The following CCND3 variants were observed in gnomAD, a reference collection of about 807,000 sequenced individuals.
CCND3 encodes G1/S-specific cyclin-D3.
A neutral mutation model predicts 28.7 loss-of-function variants in CCND3; 9 were observed. The observed-to-expected ratio is 0.31, with a 90% CI of 0.19 to 0.55. The LOEUF is 0.55. CCND3 is among the 20% of genes least tolerant of loss of function. CCND3 has a pLI of 0.93. For synonymous variants in CCND3, 164 were observed against 163.9 expected, an observed-to-expected ratio of 1.00 and a Z score of 0.00; for missense variants, 315 against 385.8, an observed-to-expected ratio of 0.82 and a Z score of 1.54.
At chr6:41,997,631 C>A (rs573332236) in intron 1 of CCND3, among the ~76,000 whole-genome samples, 1 of 151,922 alleles carries the variant, frequency 6.6e-6, no homozygotes, top group African/African-American at 2.4e-5. Flanking sequence ...GTGGCATATG[C>A]CTGTGGTCTC....
chr6:41,935,649 A>G lies in CCND3; in HGVS notation c.*291T>C, dbSNP rs1257416372. On this transcript the variant is annotated 3_prime_UTR_variant, in exon 5 of 5. Transcript: ENST00000372991. ...GGGCGTTCAAAAGGAATGCTGGTGT[A>G]TGTATCCAATTCTGTCCCATCAGCC... is the stretch of plus-strand genomic sequence containing the variant. The G allele has an allele frequency of 4.1e-6, 2 of 489,116 alleles. No individual in the cohort carries two copies. The highest frequency in any genetic ancestry group is 6.0e-5 in the East Asian group (2 of 33,368). The allele number at this position is 489,116 out of a possible 1,614,324, so 30.3% of individuals were successfully genotyped here. A position where few individuals can be genotyped will look rare whatever the true frequency, so the allele number is the denominator to read the frequency against.
intron 1 of CCND3, among the ~76,000 whole-genome samples, chr6:41,991,546 G>C (rs144372561): frequency 1.3e-5 from 2 of 152,284 alleles, no homozygotes; most frequent in Non-Finnish European, 2.9e-5. Context: ...ACAGTGATCA[G>C]AGTAATTAGC....
At chr6:42,035,526 C>T (rs937492635) in intron 1 of CCND3, among the ~76,000 whole-genome samples, 3 of 151,576 alleles carry the variant, frequency 2.0e-5, no homozygotes, top group African/African-American at 2.4e-5. Flanking sequence ...CACTACCACG[C>T]CTGGCTAATT....
intron 1 of CCND3, among the ~76,000 whole-genome samples, chr6:42,001,580 C>G (rs1034535462): frequency 3.3e-5 from 5 of 152,014 alleles, no homozygotes; most frequent in Admixed American, 3.3e-4. Flanking sequence ...GAGACTGAAC[C>G]AAAATGGGCC....
At chr6:41,981,291 C>T (rs1002244770) in intron 1 of CCND3, among the ~76,000 whole-genome samples, 20 of 150,082 alleles carry the variant, frequency 1.3e-4, no homozygotes, top group Non-Finnish European at 1.6e-4. Context: ...CTGCAACCTC[C>T]GCCTCCCCAG....
Position 41,935,289 on chromosome 6 carries a change from C to T in CCND3, c.*651G>A. On this transcript the variant is annotated 3_prime_UTR_variant, in exon 5 of 5. Coordinates refer to ENST00000372991, the MANE Select transcript of CCND3 (RefSeq NM_001760.5). The stretch of plus-strand genomic sequence containing the variant: ...CATTATGTCCTCTTAAAGTTGTGCT[C>T]AAAGCAATTAATAAATTAAAATGAG... 4.3e-6 allele frequency: 1 copy of T among 233,878 alleles called. No homozygotes were observed. The allele number at this position is 233,878 out of a possible 1,614,324, so 14.5% of individuals were successfully genotyped here. A position where few individuals can be genotyped will look rare whatever the true frequency, so the allele number is the denominator to read the frequency against.
At chr6:41,964,200 G>A (rs1477530229) in intron 1 of CCND3, among the ~76,000 whole-genome samples, 5 of 152,214 alleles carry the variant, frequency 3.3e-5, no homozygotes, top group African/African-American at 9.6e-5. Context: ...ATGCCCAAGA[G>A]GTATTGGGGG....
intron 1 of CCND3, chr6:41,940,822 G>T: frequency 9.9e-7 from 1 of 1,011,510 alleles, no homozygotes; most frequent in Non-Finnish European, 1.6e-6. Flanking sequence ...AAGCCAAGGA[G>T]CCCTTGCTCA....
At chr6:41,977,471 A>G (rs903459579) in intron 1 of CCND3, among the ~76,000 whole-genome samples, 13 of 152,056 alleles carry the variant, frequency 8.5e-5, no homozygotes, top group Admixed American at 7.2e-4. Context: ...GGTTCAGGCG[A>G]TTCTCCTGCC....
chr6:41,971,120 G>A (rs142138754), intron 1 of CCND3, among the ~76,000 whole-genome samples: 10 of 152,214 alleles, frequency 6.6e-5, no homozygotes, highest in African/African-American at 1.9e-4. Context: ...GTTTCACCAT[G>A]TTGGCCAGGC....
chr6:41,993,702 A>G (rs1351526290), intron 1 of CCND3, among the ~76,000 whole-genome samples: 1 of 151,848 alleles, frequency 6.6e-6, no homozygotes, highest in Non-Finnish European at 1.5e-5. Context: ...GTGGTTCACT[A>G]TCACGAGGTC....
chr6:42,023,607 G>A (rs1582174517), intron 1 of CCND3, among the ~76,000 whole-genome samples: 1 of 152,268 alleles, frequency 6.6e-6, no homozygotes, highest in East Asian at 1.9e-4. Flanking sequence ...GGTGAGAATA[G>A]CGAGAACTGG....
rs771636388 is a variant in CCND3, at chr6:41,935,977, G to A, written c.842C>T (p.Thr281Ile). Residue 281 changes from threonine to isoleucine, a missense_variant, in exon 5 of 5, where the codon ACC becomes ATC. By Grantham distance (89) the Thr-to-Ile change is moderately conservative. Coordinates refer to ENST00000372991, the MANE Select transcript of CCND3 (RefSeq NM_001760.5). ...GGCTGTGACATCTGTAGGAGTGCTG[G>A]TCTGGCTGGGCCCTTGGCTGCTGGA... is the stretch of plus-strand genomic sequence containing the variant. ...RGSSSQGPSQTSTPTDVTAIH... is the reference protein window; with the variant it reads ...RGSSSQGPSQISTPTDVTAIH... 6.2e-6 allele frequency: 10 copies of A among 1,613,200 alleles called. No homozygotes were observed. Among genetic ancestry groups the A allele is most frequent in the Non-Finnish European group, 7.6e-6 (9 of 1,179,652 alleles).
intron 1 of CCND3, among the ~76,000 whole-genome samples, chr6:41,959,178 A>G (rs1299896478): frequency 2.0e-5 from 3 of 152,218 alleles, no homozygotes; most frequent in East Asian, 3.9e-4. Context: ...GCTGGGAGTG[A>G]TAGCGCATAC....
At chr6:41,951,282 G>A (rs536007920) in intron 1 of CCND3, among the ~76,000 whole-genome samples, 73 of 151,404 alleles carry the variant, frequency 4.8e-4, no homozygotes, top group South Asian at 1.7e-3. Flanking sequence ...TAGGCCAGGC[G>A]CGGTGGCTCA....
intron 1 of CCND3, among the ~76,000 whole-genome samples, chr6:41,987,062 T>C (rs1762499938): frequency 6.6e-6 from 1 of 151,772 alleles, no homozygotes; most frequent in South Asian, 2.1e-4. Context: ...TCCTAATGTA[T>C]GCCAGAACAT....
At chr6:41,994,933 G>A (rs9357377) in intron 1 of CCND3, among the ~76,000 whole-genome samples, 23,535 of 151,826 alleles carry the variant, frequency 0.16, 1,900 homozygotes, top group East Asian at 0.18. Context: ...TTAGCCAGGC[G>A]TGGTGGCAGC....
upstream of CCND3, among the ~76,000 whole-genome samples, chr6:41,945,817 A>T (rs1389287673): frequency 6.6e-6 from 1 of 152,200 alleles, no homozygotes; most frequent in Non-Finnish European, 1.5e-5. Flanking sequence ...TCTGAAAATT[A>T]AACAAGCAGA....
rs750289056 is a variant in CCND3 at position 42,048,566 on chromosome 6, G to A, written c.-111C>T. On this transcript the variant is annotated 5_prime_UTR_variant, in exon 1 of 5. Transcript: ENST00000372988. The surrounding 1 kb of genome is among the most constrained non-coding windows in gnomAD (Gnocchi z 4.7). ...GCAGGCGCTCTGTCCCGCCGCCTCCGGAGCCTGCCTTTGGGGAGTGGGGGT... is the reference window on the plus strand; with the variant it reads ...GCAGGCGCTCTGTCCCGCCGCCTCCAGAGCCTGCCTTTGGGGAGTGGGGGT... 1.9e-6 allele frequency: 1 copy of A among 514,142 alleles called. No homozygotes were observed. The highest frequency in any genetic ancestry group is 3.9e-6 in the Non-Finnish European group (1 of 258,070). 31.8% of individuals were successfully genotyped at this position (514,142 alleles called of 1,614,324 possible).
Sources: gnomAD v4.1 joint callset for allele counts (sites outside exome capture counted in the v4.1 genomes callset) on GRCh38, gnomAD v4.1.1 for gene constraint, Gnocchi (gnomAD v3.1) non-coding constraint, MANE v1.5 for transcripts, NCBI Gene and HGNC (gene_info 2026-07-23, HGNC 2026-07-21) for gene names.